Variants in NTF3 observed in about 807,000 individuals in gnomAD.
The protein encoded by NTF3 is neurotrophin 3.
In NTF3, 8 loss-of-function variants were observed where a neutral mutation model predicts 26.3. That is an observed-to-expected ratio of 0.30 (90% confidence interval 0.18 to 0.55). The LOEUF is 0.55. Ranked by LOEUF, NTF3 falls within the 20% of genes least tolerant of loss-of-function variation. The pLI, the probability that NTF3 is intolerant of heterozygous loss-of-function variation, is 0.93. For missense variants in NTF3, 276 were observed against 352.9 expected (o/e 0.78, Z 1.75); for synonymous variants, 154 against 145.5 (o/e 1.06, Z -0.42).
At chr12:5,440,217 T>A (rs1940220079) in intron 1 of NTF3, among the ~76,000 whole-genome samples, 1 of 152,232 alleles carries the variant, frequency 6.6e-6, no homozygotes. Flanking sequence ...TACAAATAAA[T>A]GTTGAACACT....
intron 1 of NTF3, among the ~76,000 whole-genome samples, chr12:5,435,564 G>A (rs756003394): frequency 2.7e-5 from 4 of 149,934 alleles, no homozygotes; most frequent in Non-Finnish European, 5.9e-5. Flanking sequence ...GCTGGACGGT[G>A]TTGTTGTTTC....
intron 1 of NTF3, among the ~76,000 whole-genome samples, chr12:5,468,504 G>A (rs140334954): frequency 3.9e-5 from 6 of 152,234 alleles, no homozygotes; most frequent in East Asian, 1.9e-4. Flanking sequence ...GTACCAAGGC[G>A]TTTTCTCTTC....
intron 1 of NTF3, among the ~76,000 whole-genome samples, chr12:5,463,549 A>G (rs1350380799): frequency 6.6e-6 from 1 of 152,168 alleles, no homozygotes; most frequent in Non-Finnish European, 1.5e-5. Context: ...GGTGGGCGGT[A>G]GGAGGGACAG....
At chr12:5,440,257 C>A (rs902607751) in intron 1 of NTF3, among the ~76,000 whole-genome samples, 2 of 152,168 alleles carry the variant, frequency 1.3e-5, no homozygotes, top group Admixed American at 1.3e-4. Context: ...CATAGGTACT[C>A]AAAAATTATG....
At chr12:5,451,859 A>G (rs1338782536) in intron 1 of NTF3, among the ~76,000 whole-genome samples, 1 of 152,054 alleles carries the variant, frequency 6.6e-6, no homozygotes, top group Admixed American at 6.5e-5. Context: ...ATTCCTGGCT[A>G]ATTTTTCAAT....
chr12:5,448,485 G>A (rs1412234676), intron 1 of NTF3, among the ~76,000 whole-genome samples: 6 of 152,108 alleles, frequency 3.9e-5, no homozygotes, highest in African/African-American at 2.4e-5. Flanking sequence ...CTGGGCTCTC[G>A]TGTCCTGAAT....
intron 1 of NTF3, among the ~76,000 whole-genome samples, chr12:5,441,179 A>G (rs775635533): frequency 7.9e-5 from 12 of 152,208 alleles, no homozygotes; most frequent in Non-Finnish European, 1.5e-4. Context: ...TCCTCGAACC[A>G]CACTAGGTCT....
At chr12:5,477,496 C>A (rs534385538) in intron 1 of NTF3, among the ~76,000 whole-genome samples, 1 of 152,068 alleles carries the variant, frequency 6.6e-6, no homozygotes, top group African/African-American at 2.4e-5. Context: ...ATTGGATGTT[C>A]GCCCAGATCT....
At chr12:5,442,059 G>C (rs979022171) in intron 1 of NTF3, among the ~76,000 whole-genome samples, 52 of 152,182 alleles carry the variant, frequency 3.4e-4, no homozygotes, top group Non-Finnish European at 5.9e-4. Flanking sequence ...GTGGTCACGT[G>C]CTAAATGTTG....
At chr12:5,488,319 C>T (rs1414010828) in intron 1 of NTF3, among the ~76,000 whole-genome samples, 1 of 152,254 alleles carries the variant, frequency 6.6e-6, no homozygotes, top group Non-Finnish European at 1.5e-5. Flanking sequence ...TCTGTCCTCA[C>T]TGGTGTCTGC....
At chr12:5,481,930 CCA>C (rs1247552523) in intron 1 of NTF3, among the ~76,000 whole-genome samples, 2 of 151,640 alleles carry the variant, frequency 1.3e-5, no homozygotes, top group African/African-American at 2.4e-5. Context: ...TACACAGACA[CCA>C]CACACACGTA....
At chr12:5,430,898 G>A (rs755480757), upstream of NTF3, among the ~76,000 whole-genome samples, 7 of 151,958 alleles carry the variant, frequency 4.6e-5, no homozygotes, top group Non-Finnish European at 8.8e-5. Context: ...TTGGAGCGGA[G>A]GTCCACCACG....
chr12:5,430,524 C>T (rs574531469), upstream of NTF3, among the ~76,000 whole-genome samples: 2 of 151,702 alleles, frequency 1.3e-5, no homozygotes, highest in East Asian at 3.9e-4. Context: ...ATGTGGCAAC[C>T]CCCATCAGCC....
rs1252474039 is a variant in NTF3 at position 5,474,095 on chromosome 12, G to T, written c.19-20099G>T. ...AAAGTGGGACACTCGAGAGTGAAAG[G>T]GTGAGCTGACAATAATGATGGCAGG... On this transcript the variant is annotated intron_variant, in intron 1 of 1. Transcript: ENST00000423158. Among the ~76,000 whole-genome samples, 3 of 152,324 alleles carry T rather than the reference G, an allele frequency of 2.0e-5. No homozygotes were observed. The East Asian group carries it at 5.8e-4, about 29-fold the overall frequency.
chr12:5,440,259 A>G (rs1414049837), intron 1 of NTF3, among the ~76,000 whole-genome samples: 1 of 152,228 alleles, frequency 6.6e-6, no homozygotes, highest in Admixed American at 6.5e-5. Context: ...TAGGTACTCA[A>G]AAATTATGTA....
At chr12:5,449,188 C>T (rs1940342729) in intron 1 of NTF3, among the ~76,000 whole-genome samples, 1 of 152,204 alleles carries the variant, frequency 6.6e-6, no homozygotes, top group Non-Finnish European at 1.5e-5. Flanking sequence ...GCACAGACAG[C>T]ACAGGGGTGG....
rs1477911437 is a variant in NTF3 at position 5,433,192 on chromosome 12, T to C, written c.18+850T>C. Reference sequence around the variant, plus strand: ...TGGAGCTCCGTACGCAGCCCGCACATCTGGGACCCCTCCGGGGAGCGGCGG... The same window carrying C: ...TGGAGCTCCGTACGCAGCCCGCACACCTGGGACCCCTCCGGGGAGCGGCGG... On this transcript the variant is annotated intron_variant, in intron 1 of 1. Transcript: ENST00000423158. This position sits in a 1 kb window ranked among gnomAD's most constrained non-coding sequence, Gnocchi z 4.6. 1 of 152,224 alleles carries C rather than the reference T, an allele frequency of 6.6e-6. No individual in the cohort carries two copies. The highest frequency in any genetic ancestry group is 1.5e-5 in the Non-Finnish European group (1 of 68,080). 9.4% of individuals were successfully genotyped at this position (152,224 alleles called of 1,614,324 possible).
At chr12:5,483,268 G>A (rs957747056) in intron 1 of NTF3, among the ~76,000 whole-genome samples, 2 of 152,028 alleles carry the variant, frequency 1.3e-5, no homozygotes, top group African/African-American at 4.8e-5. Context: ...AGCAGTGGGT[G>A]GCTTCACCTT....
chr12:5,461,900 G>A (rs540902166), intron 1 of NTF3, among the ~76,000 whole-genome samples: 49 of 152,276 alleles, frequency 3.2e-4, no homozygotes, highest in Non-Finnish European at 5.4e-4. Context: ...TGAAGAACTC[G>A]TAAGACTTGG....
Sources: gnomAD v4.1 joint callset for allele counts (sites outside exome capture counted in the v4.1 genomes callset) on GRCh38, gnomAD v4.1.1 for gene constraint, Gnocchi (gnomAD v3.1) non-coding constraint, MANE v1.5 for transcripts, NCBI Gene and HGNC (gene_info 2026-07-23, HGNC 2026-07-21) for gene names.